Variants in SPAG16 observed in about 807,000 individuals in gnomAD.
SPAG16 encodes the protein sperm-associated antigen 16 protein.
Under a neutral mutation model 80.4 loss-of-function variants are expected in SPAG16, and 86 were observed. The observed-to-expected ratio is 1.07, with a 90% CI of 0.90 to 1.28. The LOEUF (loss-of-function observed/expected upper bound fraction) is 1.28, where lower values mean the gene tolerates loss of function less well. Among genes scored for constraint, SPAG16 ranks in the 50% most tolerant of loss-of-function variants. SPAG16 has a pLI of 0.00. For missense variants in SPAG16, 870 were observed against 765.3 expected (o/e 1.14, Z -1.61); for synonymous variants, 294 against 265.9 (o/e 1.11, Z -1.03).
intron 9 of SPAG16, among the ~76,000 whole-genome samples, chr2:213,427,184 TA>T (rs1349494401): frequency 6.6e-6 from 1 of 152,130 alleles, no homozygotes; most frequent in Non-Finnish European, 1.5e-5. Context: ...CATAAAATAA[TA>T]TGCAAAATAC....
rs193096325 is a variant in SPAG16 at position 214,226,666 on chromosome 2, C to A, written c.1720+77400C>A. ...TTAAAACACTTCCAAATACTCCCCCCAAAGCTTACCCTGGTAAGCACACTA... is the reference window on the plus strand; with the variant it reads ...TTAAAACACTTCCAAATACTCCCCCAAAAGCTTACCCTGGTAAGCACACTA... On this transcript the variant is annotated intron_variant, in intron 15 of 15. Transcript: ENST00000331683. Among the ~76,000 whole-genome samples the A allele has an allele frequency of 8.7e-4, 132 of 152,022 alleles. 2 individuals are homozygous for A. The East Asian group carries it at 0.017, about 20-fold the overall frequency.
chr2:214,267,455 A>G (rs970262991), intron 15 of SPAG16, among the ~76,000 whole-genome samples: 1 of 151,794 alleles, frequency 6.6e-6, no homozygotes, highest in Non-Finnish European at 1.5e-5. Flanking sequence ...ACAGAAGAAT[A>G]AAAATAGGCT....
intron 10 of SPAG16, among the ~76,000 whole-genome samples, chr2:213,521,490 T>TA (rs2075667066): frequency 6.6e-6 from 1 of 152,218 alleles, no homozygotes; most frequent in Non-Finnish European, 1.5e-5. Context: ...GCTTTTGCTT[T>TA]TTATTCTCTT....
At chr2:213,920,200 G>A (rs865862786) in intron 11 of SPAG16, among the ~76,000 whole-genome samples, 1 of 152,024 alleles carries the variant, frequency 6.6e-6, no homozygotes, top group African/African-American at 2.4e-5. Flanking sequence ...CAGGTCTCTT[G>A]AAGACAGCAT....
At chr2:214,388,232 T>C (rs1700870249) in intron 15 of SPAG16, among the ~76,000 whole-genome samples, 2 of 151,996 alleles carry the variant, frequency 1.3e-5, no homozygotes, top group South Asian at 2.1e-4. Flanking sequence ...TAGATACAGG[T>C]TTGGTAGAGC....
intron 15 of SPAG16, among the ~76,000 whole-genome samples, chr2:214,173,458 T>G (rs1287915590): frequency 2.6e-5 from 4 of 152,072 alleles, no homozygotes; most frequent in Non-Finnish European, 5.9e-5. Flanking sequence ...TTGATCTATA[T>G]CTCTGTTTTG....
At chr2:213,445,515 A>G (rs896400588) in intron 9 of SPAG16, among the ~76,000 whole-genome samples, 2 of 152,088 alleles carry the variant, frequency 1.3e-5, no homozygotes, top group African/African-American at 4.8e-5. Flanking sequence ...CAAAAAAATT[A>G]GCTGGGCGTA....
intron 13 of SPAG16, among the ~76,000 whole-genome samples, chr2:214,087,532 A>G (rs556530311): frequency 3.3e-4 from 50 of 152,316 alleles, no homozygotes; most frequent in African/African-American, 1.2e-3. Flanking sequence ...AAGATGTCAC[A>G]TGATAATAAA....
At chr2:214,023,967 T>C (rs1419587238) in intron 13 of SPAG16, among the ~76,000 whole-genome samples, 1 of 151,762 alleles carries the variant, frequency 6.6e-6, no homozygotes, top group African/African-American at 2.4e-5. Flanking sequence ...GAGATTATTT[T>C]AATTCTGTAA....
chr2:214,315,415 A>T (rs542264755), intron 15 of SPAG16, among the ~76,000 whole-genome samples: 1 of 152,152 alleles, frequency 6.6e-6, no homozygotes, highest in African/African-American at 2.4e-5. Flanking sequence ...AAGCATGAGA[A>T]ATTTCATCTT....
At chr2:214,075,614 C>T (rs1180843157) in intron 13 of SPAG16, among the ~76,000 whole-genome samples, 2 of 152,068 alleles carry the variant, frequency 1.3e-5, no homozygotes, top group African/African-American at 2.4e-5. Context: ...CAGAAATATG[C>T]AGAAGAAAAA....
At chr2:213,590,148 G>T (rs1314669864) in intron 10 of SPAG16, among the ~76,000 whole-genome samples, 1 of 151,972 alleles carries the variant, frequency 6.6e-6, no homozygotes, top group Non-Finnish European at 1.5e-5. Flanking sequence ...CTAGAAAATG[G>T]CCAAATTCCT....
intron 9 of SPAG16, among the ~76,000 whole-genome samples, chr2:213,471,902 A>G (rs1047343217): frequency 3.3e-5 from 5 of 152,208 alleles, no homozygotes; most frequent in Admixed American, 3.3e-4. Context: ...TCACCTTAGA[A>G]GGAATGTCTT....
chr2:214,057,637 G>C (rs916315970), intron 13 of SPAG16, among the ~76,000 whole-genome samples: 10 of 152,142 alleles, frequency 6.6e-5, no homozygotes, highest in African/African-American at 2.4e-4. Flanking sequence ...ACAAGAGTCA[G>C]CCTGTCCTCT....
chr2:213,512,070 C>T (rs1051130485), intron 10 of SPAG16, among the ~76,000 whole-genome samples: 7 of 151,892 alleles, frequency 4.6e-5, no homozygotes, highest in Admixed American at 2.0e-4. Flanking sequence ...TAGCTAAAAT[C>T]ACAACAGTCA....
At chr2:213,794,439 A>G (rs893499666) in intron 10 of SPAG16, among the ~76,000 whole-genome samples, 1 of 152,134 alleles carries the variant, frequency 6.6e-6, no homozygotes, top group African/African-American at 2.4e-5. Context: ...AGTAAGGGCT[A>G]TTAAGAATAG....
intron 14 of SPAG16, among the ~76,000 whole-genome samples, chr2:214,122,192 A>G (rs2054253025): frequency 1.3e-5 from 2 of 151,966 alleles, no homozygotes; most frequent in South Asian, 4.1e-4. Flanking sequence ...AGAACATAAA[A>G]TGTTAAAATT....
intron 10 of SPAG16, among the ~76,000 whole-genome samples, chr2:213,752,247 A>G (rs1199788423): frequency 6.6e-6 from 1 of 152,172 alleles, no homozygotes; most frequent in South Asian, 2.1e-4. Flanking sequence ...CTCTCCCCAT[A>G]GCCACCCAAT....
intron 9 of SPAG16, among the ~76,000 whole-genome samples, chr2:213,419,850 T>C (rs536430353): frequency 6.6e-6 from 1 of 152,336 alleles, no homozygotes; most frequent in South Asian, 2.1e-4. Flanking sequence ...GAACAAGTAG[T>C]GCTAAGTATG....
Sources: allele counts gnomAD v4.1 joint callset (sites outside exome capture counted in the v4.1 genomes callset), GRCh38; gene constraint gnomAD v4.1.1; transcripts MANE v1.5; gene names NCBI Gene and HGNC (gene_info 2026-07-23, HGNC 2026-07-21).